TRHDE: variants seen among roughly 807,000 people sequenced by gnomAD.
The protein encoded by TRHDE is thyrotropin releasing hormone degrading enzyme.
In TRHDE, 72 loss-of-function variants were observed where a neutral mutation model predicts 125.7. That is an observed-to-expected ratio of 0.57 (90% CI 0.47 to 0.70). The LOEUF is 0.70. Among genes scored for constraint, TRHDE ranks in the 30% least tolerant of loss-of-function variants. The pLI is 0.00. For synonymous variants in TRHDE, 509 were observed against 509.1 expected (o/e 1.00, Z 0.00); for missense variants, 1,110 against 1,327.1 (o/e 0.84, Z 2.54).
chr12:72,263,439 A>T (rs1467611207), intron 2 of TRHDE: 1 of 151,684 alleles, frequency 6.6e-6, no homozygotes, highest in Admixed American at 6.6e-5. Flanking sequence ...TTTTGGTTCA[A>T]CTCTAAAAAC....
Position 72,509,261 on chromosome 12 carries a change from A to G in TRHDE, c.1722+9626A>G, listed in dbSNP as rs532257476. On this transcript the variant is annotated intron_variant, in intron 6 of 18. Coordinates refer to ENST00000261180, the MANE Select transcript of TRHDE (RefSeq NM_013381.3). Reference sequence around the variant, plus strand: ...CCAGTTCTTTGCTGAAAATTCCATAATAACCACCGCACCCCCCCGCACACA... The same window carrying G: ...CCAGTTCTTTGCTGAAAATTCCATAGTAACCACCGCACCCCCCCGCACACA... 6.6e-5 allele frequency among the ~76,000 whole-genome samples: 10 copies of G among 151,772 alleles called. No individual in the cohort carries two copies. The Middle Eastern group carries it at 0.01, about 155-fold the overall frequency.
intron 2 of TRHDE, among the ~76,000 whole-genome samples, chr12:72,176,594 T>C (rs1289572781): frequency 2.0e-5 from 3 of 152,246 alleles, no homozygotes; most frequent in Non-Finnish European, 2.9e-5. Context: ...AATGTAGTGG[T>C]ATGATTTTTT....
chr12:72,578,826 A>AT (rs1412492771), intron 12 of TRHDE, among the ~76,000 whole-genome samples: 1 of 152,196 alleles, frequency 6.6e-6, no homozygotes, highest in East Asian at 1.9e-4. Flanking sequence ...ATTTGCCTGA[A>AT]TGCATTCTAA....
chr12:72,287,761 C>T (rs1390064325), intron 2 of TRHDE, among the ~76,000 whole-genome samples: 1 of 152,064 alleles, frequency 6.6e-6, no homozygotes, highest in East Asian at 1.9e-4. Context: ...CTATTGGATT[C>T]TCTTTGATGG....
At position 72,140,986 on chromosome 12, in the gene TRHDE, TATTTTTTTTTTCAC is replaced by T. The variant is rs140163498; in HGVS notation, n.279+35235_279+35248del. Among the ~76,000 whole-genome samples, 24 of 152,270 alleles carry T rather than the reference TATTTTTTTTTTCAC, an allele frequency of 1.6e-4. No homozygotes were observed. The South Asian group carries it at 2.3e-3, about 14-fold the overall frequency. ...AATAGTTCTGCTTTTTCAAAAGCTT[TATTTTTTTTTTCAC>T]CAAATAAGATTATAGGATGCCAAGT... On this transcript the variant is annotated intron_variant and non_coding_transcript_variant, in intron 2 of 4. Transcript: ENST00000548156.
At chr12:72,305,524 C>G (rs1022396105) in intron 2 of TRHDE, among the ~76,000 whole-genome samples, 3 of 152,194 alleles carry the variant, frequency 2.0e-5, no homozygotes, top group African/African-American at 7.2e-5. Flanking sequence ...CTACAAGAAT[C>G]GTTTGCCTCT....
chr12:72,168,037 A>G (rs921413334), intron 2 of TRHDE, among the ~76,000 whole-genome samples: 1 of 152,144 alleles, frequency 6.6e-6, no homozygotes, highest in African/African-American at 2.4e-5. Flanking sequence ...TGGCTACAAC[A>G]CTAGTCATTG....
chr12:72,426,893 T>C (rs1334504691), intron 3 of TRHDE, among the ~76,000 whole-genome samples: 1 of 152,106 alleles, frequency 6.6e-6, no homozygotes, highest in African/African-American at 2.4e-5. Context: ...ATTGCCAAAC[T>C]TTTTTCTCCA....
chr12:72,617,885 C>A (rs1296177211), intron 12 of TRHDE, among the ~76,000 whole-genome samples: 1 of 152,136 alleles, frequency 6.6e-6, no homozygotes, highest in Non-Finnish European at 1.5e-5. Context: ...ATGACCTAAT[C>A]ACTACCAAAG....
intron 6 of TRHDE, among the ~76,000 whole-genome samples, chr12:72,533,990 T>C (rs1436900234): frequency 6.6e-6 from 1 of 152,146 alleles, no homozygotes; most frequent in East Asian, 1.9e-4. Flanking sequence ...GTGAAAGATA[T>C]ATGCTGAATT....
rs547813261 is a variant in TRHDE, at chr12:72,399,220, G to A, written c.1315+21099G>A. Among the ~76,000 whole-genome samples, 8 of 152,282 alleles carry A rather than the reference G, an allele frequency of 5.3e-5. No homozygotes were observed. The South Asian group carries it at 1.7e-3, about 32-fold the overall frequency. ...ATTATCTTCCACAAAACTGGTCCCC[G>A]AAGCCAAAAAGGCTGGGAACGTCTG... On this transcript the variant is annotated intron_variant, in intron 3 of 18. Transcript: ENST00000261180.
chr12:72,629,110 T>TTATAGTCACA (rs1162643920), intron 15 of TRHDE, among the ~76,000 whole-genome samples: 10 of 151,884 alleles, frequency 6.6e-5, no homozygotes, highest in Admixed American at 3.9e-4. Context: ...ATTCATTTTC[T>TTATAGTCACA]TATAGTCACA....
In TRHDE at chr12:72,273,867, AAGGGTAGCTG is replaced by A; in HGVS notation, c.914+312_914+321del. 1 of 340,264 alleles carries A rather than the reference AAGGGTAGCTG, an allele frequency of 2.9e-6. No individual in the cohort carries two copies. Among genetic ancestry groups the A allele is most frequent in the Non-Finnish European group, 5.4e-6 (1 of 185,642 alleles). 21.1% of individuals were successfully genotyped at this position (340,264 alleles called of 1,614,324 possible). On this transcript the variant is annotated intron_variant, in intron 1 of 18. Coordinates refer to ENST00000261180, the MANE Select transcript of TRHDE (RefSeq NM_013381.3). The surrounding 1 kb of genome is among the most constrained non-coding windows in gnomAD (Gnocchi z 5.3). Reference sequence around the variant, plus strand: ...ATCGAAACGCAGGGCTCTTTTTCTGAAGGGTAGCTGATAATCTGAGCGATGCCAGAGTGAC... The same window carrying A: ...ATCGAAACGCAGGGCTCTTTTTCTGAATAATCTGAGCGATGCCAGAGTGAC...
In TRHDE at chr12:72,631,845, A is replaced by G. The variant is rs547560614; in HGVS notation, c.2675+10094A>G. ...TATGGTTATGCCAAAAAACTCAACAAAATGGCAATAATCAATTCTTCCCAG... is the reference window on the plus strand; with the variant it reads ...TATGGTTATGCCAAAAAACTCAACAGAATGGCAATAATCAATTCTTCCCAG... On this transcript the variant is annotated intron_variant, in intron 15 of 18. Coordinates refer to ENST00000261180, the MANE Select transcript of TRHDE (RefSeq NM_013381.3). 1.1e-4 allele frequency among the ~76,000 whole-genome samples: 17 copies of G among 152,102 alleles called. No homozygotes were observed. In the South Asian group the frequency reaches 3.1e-3, roughly 28 times the overall value.
chr12:72,514,906 C>T (rs1281015828), intron 6 of TRHDE, among the ~76,000 whole-genome samples: 17 of 147,578 alleles, frequency 1.2e-4, no homozygotes, highest in East Asian at 6.2e-4. Flanking sequence ...TTTGTTCTTG[C>T]GATAGTTTAC....
intron 2 of TRHDE, among the ~76,000 whole-genome samples, chr12:72,233,487 G>A (rs1470735563): frequency 1.3e-5 from 2 of 151,952 alleles, no homozygotes; most frequent in African/African-American, 4.8e-5. Context: ...ATTGCAAGAT[G>A]GTCTTAGGTA....
At chr12:72,636,250 A>G (rs1242104980) in intron 15 of TRHDE, among the ~76,000 whole-genome samples, 1 of 150,914 alleles carries the variant, frequency 6.6e-6, no homozygotes, top group Non-Finnish European at 1.5e-5. Flanking sequence ...TAGGTATTTT[A>G]TTCTCTTTGA....
intron 2 of TRHDE, among the ~76,000 whole-genome samples, chr12:72,234,166 A>G (rs1157349327): frequency 3.3e-5 from 5 of 152,178 alleles, no homozygotes; most frequent in Non-Finnish European, 7.4e-5. Flanking sequence ...TGAATTAAAG[A>G]ATTTTTTTTC....
At chr12:72,391,981 A>G (rs1266782425) in intron 3 of TRHDE, among the ~76,000 whole-genome samples, 4 of 152,164 alleles carry the variant, frequency 2.6e-5, no homozygotes, top group African/African-American at 9.7e-5. Flanking sequence ...GGTCATTAAC[A>G]TGGAATCCTA....
Sources: gnomAD v4.1 joint callset for allele counts (sites outside exome capture counted in the v4.1 genomes callset) on GRCh38, gnomAD v4.1.1 for gene constraint, Gnocchi (gnomAD v3.1) non-coding constraint, MANE v1.5 for transcripts, NCBI Gene and HGNC (gene_info 2026-07-23, HGNC 2026-07-21) for gene names.